Variants in FHIT observed in about 807,000 individuals in gnomAD.
FHIT encodes the protein bis(5'-adenosyl)-triphosphatase.
FHIT carries 19 observed loss-of-function variants against 17.9 expected under a neutral mutation model. The ratio of observed to expected loss-of-function variants is 1.06; its 90% CI spans 0.74 to 1.56. FHIT has a LOEUF of 1.56. FHIT is among the 40% of genes most tolerant of loss of function. The probability of loss-of-function intolerance (pLI) is 0.00; values close to 1 mark genes in which losing one functional copy is unlikely to be tolerated. For missense variants in FHIT, 248 were observed against 189.2 expected, an observed-to-expected ratio of 1.31 and a Z score of -1.82; for synonymous variants, 81 against 69.7, an observed-to-expected ratio of 1.16 and a Z score of -0.81.
chr3:60,324,396 A>G (rs560283107), intron 5 of FHIT, among the ~76,000 whole-genome samples: 1 of 152,152 alleles, frequency 6.6e-6, no homozygotes, highest in East Asian at 1.9e-4. Context: ...CATCCTGGCT[A>G]ACATGGTGAA....
chr3:61,201,249 G>A (rs902219655), intron 1 of FHIT, among the ~76,000 whole-genome samples: 3 of 152,286 alleles, frequency 2.0e-5, no homozygotes, highest in Admixed American at 6.5e-5. Flanking sequence ...GCCACAACTT[G>A]ACATTTCAAA....
intron 5 of FHIT, among the ~76,000 whole-genome samples, chr3:60,253,292 T>C (rs1426117406): frequency 6.6e-6 from 1 of 152,206 alleles, no homozygotes; most frequent in Non-Finnish European, 1.5e-5. Context: ...ATATTCTGAA[T>C]CGACATTGTA....
At chr3:60,132,306 C>A (rs1172510026) in intron 5 of FHIT, among the ~76,000 whole-genome samples, 1 of 152,184 alleles carries the variant, frequency 6.6e-6, no homozygotes, top group Non-Finnish European at 1.5e-5. Context: ...GCTGGCCTTG[C>A]TGATAGATAC....
chr3:60,984,671 G>C lies in FHIT; in HGVS notation c.-111+57376C>G, dbSNP rs528227543. 7.9e-5 allele frequency among the ~76,000 whole-genome samples: 12 copies of C among 152,246 alleles called. No homozygotes were observed. The South Asian group carries it at 2.5e-3, about 32-fold the overall frequency. On this transcript the variant is annotated intron_variant, in intron 3 of 9. Transcript: ENST00000492590. ...CCAAACTAAAGGATAGAACCCAATAGTGGGTCTTGACATCAACTTAGGAAA... is the reference window on the plus strand; with the variant it reads ...CCAAACTAAAGGATAGAACCCAATACTGGGTCTTGACATCAACTTAGGAAA...
At chr3:59,921,871 A>G (rs17301211) in intron 8 of FHIT, among the ~76,000 whole-genome samples, 22,099 of 152,282 alleles carry the variant, frequency 0.15, 2,037 homozygotes, top group Middle Eastern at 0.24. Flanking sequence ...CACTTACTCA[A>G]ACCAACCTAG....
intron 5 of FHIT, among the ~76,000 whole-genome samples, chr3:60,199,519 T>C (rs1702801204): frequency 6.6e-6 from 1 of 152,086 alleles, no homozygotes. Flanking sequence ...CCAAATGTCA[T>C]GTCTTCCCAG....
chr3:61,167,628 C>CAA (rs34229498), intron 2 of FHIT, among the ~76,000 whole-genome samples: 63 of 98,902 alleles, frequency 6.4e-4, no homozygotes, highest in Admixed American at 1.4e-3. Context: ...AACTGTGTCT[C>CAA]AAAAAAAAAA....
intron 5 of FHIT, among the ~76,000 whole-genome samples, chr3:60,093,497 CA>C (rs751867043): frequency 6.6e-6 from 1 of 152,124 alleles, no homozygotes; most frequent in Non-Finnish European, 1.5e-5. Flanking sequence ...CTTAATTCCC[CA>C]CTGCATATAA....
intron 3 of FHIT, among the ~76,000 whole-genome samples, chr3:60,868,260 T>A (rs530761296): frequency 4.1e-4 from 63 of 152,228 alleles, no homozygotes; most frequent in African/African-American, 1.4e-3. Context: ...CAGTATTTCA[T>A]AACCTCTAAA....
chr3:61,193,463 A>G (rs927290788), intron 2 of FHIT, among the ~76,000 whole-genome samples: 5 of 152,226 alleles, frequency 3.3e-5, no homozygotes, highest in Non-Finnish European at 5.9e-5. Flanking sequence ...GAAGCCTCTC[A>G]TGGTGACCAG....
chr3:59,800,392 G>C (rs1699946416), intron 8 of FHIT, among the ~76,000 whole-genome samples: 1 of 152,140 alleles, frequency 6.6e-6, no homozygotes, highest in Non-Finnish European at 1.5e-5. Flanking sequence ...CCTCACACCT[G>C]CTTTATGGTA....
intron 4 of FHIT, among the ~76,000 whole-genome samples, chr3:60,610,451 C>T (rs114873467): frequency 0.011 from 1,669 of 152,212 alleles, 23 homozygotes; most frequent in Middle Eastern, 0.037. Context: ...AGTTTCTACG[C>T]AATTCCCCAG....
intron 8 of FHIT, among the ~76,000 whole-genome samples, chr3:59,845,631 AG>A (rs1316943627): frequency 2.0e-5 from 3 of 152,122 alleles, no homozygotes; most frequent in African/African-American, 7.2e-5. Context: ...TATTGTGATC[AG>A]AGAAGACACT....
intron 5 of FHIT, among the ~76,000 whole-genome samples, chr3:60,266,891 C>A (rs1706603755): frequency 6.6e-6 from 1 of 151,912 alleles, no homozygotes; most frequent in African/African-American, 2.4e-5. Context: ...CAAAACCAAG[C>A]AAATTAAAAA....
At chr3:60,172,252 T>G (rs1254476423) in intron 5 of FHIT, among the ~76,000 whole-genome samples, 1 of 151,334 alleles carries the variant, frequency 6.6e-6, no homozygotes, top group East Asian at 1.9e-4. Flanking sequence ...GAAGTATGGG[T>G]TTTTTGTTTG....
chr3:60,369,910 A>C (rs1700254930), intron 5 of FHIT, among the ~76,000 whole-genome samples: 1 of 152,250 alleles, frequency 6.6e-6, no homozygotes, highest in Non-Finnish European at 1.5e-5. Flanking sequence ...CAAGTTCAAC[A>C]GTATTTTACA....
intron 4 of FHIT, among the ~76,000 whole-genome samples, chr3:60,761,113 T>C (rs2108053375): frequency 6.6e-6 from 1 of 152,258 alleles, no homozygotes; most frequent in East Asian, 1.9e-4. Context: ...ACCTTTGACA[T>C]TAAAATTTAA....
intron 5 of FHIT, among the ~76,000 whole-genome samples, chr3:60,198,490 G>A (rs1006871278): frequency 6.6e-5 from 10 of 152,124 alleles, no homozygotes; most frequent in Non-Finnish European, 1.5e-4. Context: ...CTGTCCTACT[G>A]CATGCATACC....
At chr3:61,184,826 G>A (rs1380261899) in intron 2 of FHIT, among the ~76,000 whole-genome samples, 2 of 152,154 alleles carry the variant, frequency 1.3e-5, no homozygotes, top group African/African-American at 4.8e-5. Context: ...CCACTCTAAT[G>A]AACACGCTGT....
Sources: allele counts gnomAD v4.1 joint callset (sites outside exome capture counted in the v4.1 genomes callset), GRCh38; gene constraint gnomAD v4.1.1; transcripts MANE v1.5; gene names NCBI Gene and HGNC (gene_info 2026-07-23, HGNC 2026-07-21).